The following CDH12 variants were observed in gnomAD, a reference collection of about 807,000 sequenced individuals.
The protein encoded by CDH12 is cadherin 12.
Under a neutral mutation model 74.1 loss-of-function variants are expected in CDH12, and 41 were observed. The observed-to-expected ratio is 0.55, with a 90% CI of 0.43 to 0.72. The LOEUF is 0.72. Ranked by LOEUF, CDH12 falls within the 30% of genes least tolerant of loss-of-function variation. CDH12 has a pLI of 0.00. For synonymous variants in CDH12, 399 were observed against 355.0 expected, an observed-to-expected ratio of 1.12 and a Z score of -1.39; for missense variants, 945 against 977.2, an observed-to-expected ratio of 0.97 and a Z score of 0.44.
At chr5:22,426,694 A>G (rs144026968) in intron 2 of CDH12, among the ~76,000 whole-genome samples, 211 of 152,326 alleles carry the variant, frequency 1.4e-3, no homozygotes, top group African/African-American at 4.8e-3. Context: ...TAATATATCA[A>G]TCAGTTTGAA....
chr5:22,746,581 T>C (rs1442037859), intron 1 of CDH12, among the ~76,000 whole-genome samples: 2 of 152,196 alleles, frequency 1.3e-5, no homozygotes, highest in Non-Finnish European at 2.9e-5. Flanking sequence ...AATATATGTA[T>C]TTCTGACAGT....
chr5:22,767,501 C>G (rs903489539), intron 1 of CDH12, among the ~76,000 whole-genome samples: 3 of 151,560 alleles, frequency 2.0e-5, no homozygotes, highest in African/African-American at 7.3e-5. Flanking sequence ...ATGAATTAAA[C>G]AAAACTCAAC....
At chr5:22,535,004 A>G (rs1206355189) in intron 1 of CDH12, among the ~76,000 whole-genome samples, 4 of 140,134 alleles carry the variant, frequency 2.9e-5, no homozygotes, top group African/African-American at 5.4e-5. Context: ...ACGGAGTCTC[A>G]CTCTGTCACC....
intron 2 of CDH12, among the ~76,000 whole-genome samples, chr5:22,416,515 A>G (rs1743399292): frequency 6.6e-6 from 1 of 152,116 alleles, no homozygotes; most frequent in Non-Finnish European, 1.5e-5. Context: ...CTCAATCCCC[A>G]TTTTTCAAAC....
chr5:22,242,631 G>C (rs903498248), intron 3 of CDH12, among the ~76,000 whole-genome samples: 1 of 152,046 alleles, frequency 6.6e-6, no homozygotes, highest in African/African-American at 2.4e-5. Flanking sequence ...GGAAGCACTG[G>C]GGGGCTTAGG....
chr5:22,104,636 C>A (rs1744326213), intron 4 of CDH12, among the ~76,000 whole-genome samples: 1 of 152,080 alleles, frequency 6.6e-6, no homozygotes, highest in African/African-American at 2.4e-5. Flanking sequence ...GTTGCTATAT[C>A]TTTCTTCAAG....
intron 1 of CDH12, among the ~76,000 whole-genome samples, chr5:22,629,772 A>G (rs1738487399): frequency 6.6e-6 from 1 of 152,126 alleles, no homozygotes; most frequent in South Asian, 2.1e-4. Context: ...GTAATTAGGT[A>G]AGAGAAAGAA....
At chr5:21,985,305 A>T (rs1160192458) in intron 5 of CDH12, among the ~76,000 whole-genome samples, 1 of 152,112 alleles carries the variant, frequency 6.6e-6, no homozygotes, top group Non-Finnish European at 1.5e-5. Flanking sequence ...GTCTCAAAAC[A>T]TATATGGACA....
chr5:21,806,711 A>G (rs912213380), intron 9 of CDH12, among the ~76,000 whole-genome samples: 2 of 152,142 alleles, frequency 1.3e-5, no homozygotes, highest in Admixed American at 1.3e-4. Flanking sequence ...AAGAGCCTAT[A>G]TCTCCCACAC....
chr5:22,250,977 T>C (rs1413608386), intron 3 of CDH12, among the ~76,000 whole-genome samples: 1 of 152,154 alleles, frequency 6.6e-6, no homozygotes, highest in Non-Finnish European at 1.5e-5. Flanking sequence ...GAGTGAAACA[T>C]CATGAAATTT....
At chr5:22,517,715 T>A (rs1736866183) in intron 1 of CDH12, among the ~76,000 whole-genome samples, 1 of 152,214 alleles carries the variant, frequency 6.6e-6, no homozygotes, top group Non-Finnish European at 1.5e-5. Flanking sequence ...TTTTTCAGCT[T>A]ACGTTTATTT....
intron 1 of CDH12, among the ~76,000 whole-genome samples, chr5:22,745,181 C>A (rs1210959248): frequency 6.6e-6 from 1 of 151,894 alleles, no homozygotes; most frequent in Non-Finnish European, 1.5e-5. Flanking sequence ...CAAATACTAC[C>A]CATTGCTCTT....
intron 1 of CDH12, among the ~76,000 whole-genome samples, chr5:22,786,804 C>T (rs559976854): frequency 8.6e-5 from 13 of 151,802 alleles, no homozygotes; most frequent in Non-Finnish European, 1.6e-4. Context: ...CTGCAACCTC[C>T]GCCTTCTGGG....
chr5:22,296,380 T>C (rs1737624780), intron 3 of CDH12, among the ~76,000 whole-genome samples: 1 of 152,084 alleles, frequency 6.6e-6, no homozygotes, highest in Non-Finnish European at 1.5e-5. Flanking sequence ...CTAATATATG[T>C]CTCTAGTTAA....
At chr5:22,197,215 G>A (rs552217418) in intron 4 of CDH12, among the ~76,000 whole-genome samples, 1 of 152,086 alleles carries the variant, frequency 6.6e-6, no homozygotes, top group African/African-American at 2.4e-5. Context: ...GAGGCCAAAG[G>A]GGGAGGATCA....
intron 8 of CDH12, among the ~76,000 whole-genome samples, chr5:21,832,838 TAAATCATATG>T (rs1424237208): frequency 5.8e-4 from 60 of 103,128 alleles, no homozygotes; most frequent in African/African-American, 1.9e-3. Context: ...TATAATAATA[TAAATCATATG>T]ATATATGATA....
At chr5:21,951,542 C>G (rs1181409007) in intron 6 of CDH12, among the ~76,000 whole-genome samples, 5 of 152,178 alleles carry the variant, frequency 3.3e-5, no homozygotes, top group Non-Finnish European at 2.9e-5. Flanking sequence ...GTCATCGTGC[C>G]CAGCTAAGAT....
At chr5:22,009,459 T>A (rs1737159848) in intron 5 of CDH12, among the ~76,000 whole-genome samples, 1 of 152,126 alleles carries the variant, frequency 6.6e-6, no homozygotes, top group South Asian at 2.1e-4. Flanking sequence ...TCACAGAAAT[T>A]TCCCCCCAAA....
At chr5:22,763,701 C>T (rs1336002101) in intron 1 of CDH12, among the ~76,000 whole-genome samples, 2 of 151,796 alleles carry the variant, frequency 1.3e-5, no homozygotes, top group East Asian at 1.9e-4. Context: ...TCCCATCATG[C>T]GAAAATGTTC....
Sources: gnomAD v4.1 joint callset for allele counts (sites outside exome capture counted in the v4.1 genomes callset) on GRCh38, gnomAD v4.1.1 for gene constraint, MANE v1.5 for transcripts, NCBI Gene and HGNC (gene_info 2026-07-23, HGNC 2026-07-21) for gene names.